PCDHA4: variants seen among roughly 807,000 people sequenced by gnomAD.
The protein encoded by PCDHA4 is protocadherin alpha 4.
A neutral mutation model predicts 61.4 loss-of-function variants in PCDHA4; 49 were observed. That is an observed-to-expected ratio of 0.80 (90% CI 0.63 to 1.01). The LOEUF (loss-of-function observed/expected upper bound fraction) is 1.01, where lower values mean the gene tolerates loss of function less well. Ranked by LOEUF, PCDHA4 falls within the 50% of genes least tolerant of loss-of-function variation. The pLI is 0.00. For missense variants in PCDHA4, 1,254 were observed against 1,235.8 expected, an observed-to-expected ratio of 1.01 and a Z score of -0.22; for synonymous variants, 590 against 550.3, an observed-to-expected ratio of 1.07 and a Z score of -1.01.
intron 1 of PCDHA4, chr5:140,835,634 T>C (rs2150240136): frequency 3.1e-6 from 5 of 1,613,808 alleles, no homozygotes; most frequent in East Asian, 2.2e-5. Context: ...ACCGCGAGAG[T>C]GTGTCCGCCT....
intron 1 of PCDHA4, among the ~76,000 whole-genome samples, chr5:140,934,476 AATTAT>A (rs2089852464): frequency 6.6e-6 from 1 of 152,124 alleles, no homozygotes. Flanking sequence ...TTATTTTGAA[AATTAT>A]ATTCACCTCA....
intron 1 of PCDHA4, chr5:140,821,824 T>C (rs2150110897): frequency 9.9e-6 from 16 of 1,614,004 alleles, no homozygotes; most frequent in East Asian, 2.2e-5. Flanking sequence ...CCTGCTGCTC[T>C]GGCTTCTCCT....
intron 1 of PCDHA4, among the ~76,000 whole-genome samples, chr5:140,959,063 A>G (rs190067147): frequency 2.0e-5 from 3 of 152,292 alleles, no homozygotes; most frequent in Admixed American, 2.0e-4. Flanking sequence ...TGCAGTATAT[A>G]TAGAATTCAG....
intron 1 of PCDHA4, chr5:140,817,315 G>A (rs1016861865): frequency 6.6e-6 from 1 of 152,230 alleles, no homozygotes; most frequent in East Asian, 1.9e-4. Flanking sequence ...CCCCAGAAAA[G>A]TGCCCAGCTA....
intron 1 of PCDHA4, among the ~76,000 whole-genome samples, chr5:140,909,668 CA>C (rs1554193872): frequency 6.6e-6 from 1 of 152,162 alleles, no homozygotes; most frequent in Non-Finnish European, 1.5e-5. Context: ...CTCACTCTAC[CA>C]GTCAGGGAGC....
chr5:140,824,402 G>T (rs1768107554), intron 1 of PCDHA4: 3 of 539,824 alleles, frequency 5.6e-6, no homozygotes, highest in East Asian at 3.1e-5. Flanking sequence ...GATAATAATT[G>T]TAAGACATAG....
intron 3 of PCDHA4, among the ~76,000 whole-genome samples, chr5:141,005,485 T>C (rs57509018): frequency 5.3e-5 from 8 of 151,370 alleles, no homozygotes; most frequent in Non-Finnish European, 1.0e-4. Context: ...GGGCGGATCA[T>C]GAGGTCAGGA....
chr5:140,807,151 A>T lies in PCDHA4; in HGVS notation c.-37A>T. Reference sequence around the variant, plus strand: ...AAAAGATTTCCCTTGACTTTGAGAAACGATATTTAATCAGAACAAAATACT... The same window carrying T: ...AAAAGATTTCCCTTGACTTTGAGAATCGATATTTAATCAGAACAAAATACT... On this transcript the variant is annotated 5_prime_UTR_variant, in exon 1 of 4. Coordinates refer to ENST00000530339, the MANE Select transcript of PCDHA4 (RefSeq NM_018907.4). The T allele has an allele frequency of 6.3e-7, 1 of 1,580,442 alleles. No individual in the cohort carries two copies. Among genetic ancestry groups the T allele is most frequent in the Non-Finnish European group, 8.6e-7 (1 of 1,162,990 alleles).
intron 1 of PCDHA4, chr5:140,866,765 C>G (rs1053050045): frequency 6.6e-6 from 1 of 152,122 alleles, no homozygotes; most frequent in Non-Finnish European, 1.5e-5. Context: ...GACATACAGG[C>G]AGATTGTATG....
intron 1 of PCDHA4, among the ~76,000 whole-genome samples, chr5:140,933,146 C>G (rs1554209206): frequency 1.3e-5 from 2 of 151,920 alleles, no homozygotes. Context: ...GATAGCCACT[C>G]ATTTTGTTCC....
intron 1 of PCDHA4, chr5:140,843,947 C>G: frequency 1.8e-6 from 1 of 565,064 alleles, no homozygotes; most frequent in Non-Finnish European, 3.1e-6. Context: ...GGATGATATC[C>G]ATTTTTTACT....
intron 1 of PCDHA4, chr5:140,841,607 T>G (rs1554138334): frequency 4.3e-6 from 7 of 1,614,090 alleles, no homozygotes; most frequent in Non-Finnish European, 5.9e-6. Flanking sequence ...CGAGGAGCTG[T>G]GCGGGCGGAG....
At chr5:140,843,948 A>G (rs1465306903) in intron 1 of PCDHA4, 4 of 562,382 alleles carry the variant, frequency 7.1e-6, no homozygotes, top group Non-Finnish European at 9.4e-6. Flanking sequence ...GATGATATCC[A>G]TTTTTTACTG....
At chr5:140,826,023 T>C (rs1768791040) in intron 1 of PCDHA4, among the ~76,000 whole-genome samples, 1 of 152,228 alleles carries the variant, frequency 6.6e-6, no homozygotes, top group South Asian at 2.1e-4. Flanking sequence ...TGATAAAATG[T>C]GAATTCCCTA....
chr5:140,982,992 A>G (rs1413932820), intron 3 of PCDHA4, among the ~76,000 whole-genome samples: 1 of 151,958 alleles, frequency 6.6e-6, no homozygotes, highest in African/African-American at 2.4e-5. Flanking sequence ...GAGAAAAAGA[A>G]GGAAAGAAAG....
At position 140,850,006 on chromosome 5, in the gene PCDHA4, T is replaced by A. The variant is rs2150463121; in HGVS notation, c.2385+40434T>A. On this transcript the variant is annotated intron_variant, in intron 1 of 3. Coordinates refer to ENST00000530339, the MANE Select transcript of PCDHA4 (RefSeq NM_018907.4). ...GAGCGGCGGTTGGGCGAGCGCTCGC[T>A]GTCGAGCTACGTGTCAGTGCACGCG... is the stretch of plus-strand genomic sequence containing the variant. The A allele has an allele frequency of 2.5e-6, 4 of 1,596,854 alleles. No homozygotes were observed. In the African/African-American group the frequency reaches 5.4e-5, roughly 21 times the overall value.
intron 1 of PCDHA4, chr5:140,843,398 C>T (rs2150359248): frequency 2.5e-6 from 4 of 1,595,994 alleles, no homozygotes; most frequent in African/African-American, 2.7e-5. Flanking sequence ...GGAAGCGGCG[C>T]TGGTGGATGT....
At position 140,808,781 on chromosome 5, in the gene PCDHA4, C is replaced by T; in HGVS notation, c.1594C>T (p.Gln532Ter). 6.2e-7 allele frequency: 1 copy of T among 1,612,564 alleles called. No homozygotes were observed. Among genetic ancestry groups the T allele is most frequent in the Non-Finnish European group, 8.5e-7 (1 of 1,179,834 alleles). ...GGACCACGAGGAGCTAGAGCTGCTGCAGTTTCAGGTGACCGCTCGCGATGC... is the reference window on the plus strand; with the variant it reads ...GGACCACGAGGAGCTAGAGCTGCTGTAGTTTCAGGTGACCGCTCGCGATGC... ...PLDHEELELL[Q>*]FQVTARDAGV... Residue 532 changes from glutamine (Q) to a stop codon, truncating the protein, a stop_gained, in exon 1 of 4, where the codon CAG becomes TAG. Transcript: ENST00000530339. LOFTEE classifies it high-confidence loss of function.
intron 1 of PCDHA4, among the ~76,000 whole-genome samples, chr5:140,855,674 A>G (rs1431720219): frequency 1.3e-5 from 2 of 149,852 alleles, no homozygotes; most frequent in Non-Finnish European, 3.0e-5. Context: ...CTACTCTGAG[A>G]GTCTACATTT....
Sources: allele counts gnomAD v4.1 joint callset (sites outside exome capture counted in the v4.1 genomes callset), GRCh38; gene constraint gnomAD v4.1.1; transcripts MANE v1.5; gene names NCBI Gene and HGNC (gene_info 2026-07-23, HGNC 2026-07-21).